CYP1A2: variants seen among roughly 807,000 people sequenced by gnomAD.
CYP1A2 encodes cytochrome P450 family 1 subfamily A member 2.
A neutral mutation model predicts 34.7 loss-of-function variants in CYP1A2; 35 were observed. The observed-to-expected ratio is 1.01, with a 90% CI of 0.77 to 1.34. The LOEUF is 1.34. Ranked by LOEUF, CYP1A2 falls within the 40% of genes most tolerant of loss-of-function variation. The probability of loss-of-function intolerance (pLI) is 0.00; values close to 1 mark genes in which losing one functional copy is unlikely to be tolerated. For synonymous variants in CYP1A2, 288 were observed against 281.9 expected (o/e 1.02, Z -0.22); for missense variants, 675 against 675.8 (o/e 1.00, Z 0.01).
In CYP1A2 at chr15:74,750,145, G is replaced by C. The variant is rs150893756; in HGVS notation, c.407G>C (p.Arg136Pro). ...GACTCTGGACCGGTGTGGGCTGCCC[G>C]CCGGCGCCTGGCCCAGAATGCCCTC... ...STDSGPVWAA[R>P]RRLAQNALNT... Residue 136 changes from arginine (R) to proline (P), a missense_variant, in exon 2 of 7, where the codon CGC becomes CCC. Arg to Pro is a moderately radical substitution (Grantham distance 103). Transcript: ENST00000343932. 6.2e-7 allele frequency: 1 copy of C among 1,614,028 alleles called. No homozygotes were observed. Among genetic ancestry groups the C allele is most frequent in the Non-Finnish European group, 8.5e-7 (1 of 1,180,028 alleles).
At chr15:74,754,091 A>C (rs2063327850) in intron 6 of CYP1A2, among the ~76,000 whole-genome samples, 1 of 152,094 alleles carries the variant, frequency 6.6e-6, no homozygotes, top group Admixed American at 6.6e-5. Flanking sequence ...TTAAATAGAG[A>C]CAAGGTCTTC....
chr15:74,749,640 C>T (rs904830758), intron 1 of CYP1A2, 90 bp from the exon 2 acceptor site: 11 of 1,095,748 alleles, frequency 1.0e-5, no homozygotes, highest in African/African-American at 4.7e-5. Context: ...GCACAGAACA[C>T]GCATCAGTGT....
chr15:74,750,434 C>A lies in CYP1A2; in HGVS notation c.696C>A (p.Ser232=). The change falls in exon 2 of 7, where the codon TCC becomes TCA. Residue 232 remains serine (S), a synonymous_variant. Transcript: ENST00000343932. The stretch of plus-strand genomic sequence containing the variant: ...ATGAGTTCGTGGAGACTGCCTCCTC[C>A]GGGAACCCCCTGGACTTCTTCCCCA... ...NTHEFVETAS[S]GNPLDFFPIL... 6.2e-7 allele frequency: 1 copy of A among 1,614,182 alleles called. No homozygotes were observed. Among genetic ancestry groups the A allele is most frequent in the Non-Finnish European group, 8.5e-7 (1 of 1,180,022 alleles).
intron 6 of CYP1A2, among the ~76,000 whole-genome samples, 156 bp from the exon 7 acceptor site, chr15:74,754,635 A>G (rs545588254): frequency 4.6e-5 from 7 of 151,662 alleles, no homozygotes; most frequent in Non-Finnish European, 8.8e-5. Flanking sequence ...AAAAAGAAAT[A>G]AGCATCAAAG....
intron 1 of CYP1A2, 143 bp from the exon 2 acceptor site, chr15:74,749,587 G>GGTAGATGGAGCTTA: frequency 1.5e-6 from 1 of 678,498 alleles, no homozygotes; most frequent in Non-Finnish European, 2.5e-6. Context: ...CAGGACGCAT[G>GGTAGATGGAGCTTA]GTAGATGGAG....
chr15:74,751,934 T>C (rs539072606), intron 4 of CYP1A2, 80 bp downstream of exon 4: 42 of 1,529,328 alleles, frequency 2.7e-5, no homozygotes, highest in Non-Finnish European at 3.7e-5. Context: ...ACACCTGTTA[T>C]GTGCCTGCTG....
At position 74,749,988 on chromosome 15, in the gene CYP1A2, C is replaced by G; in HGVS notation, c.250C>G (p.Pro84Ala). The change falls in exon 2 of 7, where the codon CCC (proline) becomes GCC (alanine). Residue 84 changes from proline (P) to alanine (A), a missense_variant. Coordinates refer to ENST00000343932, the MANE Select transcript of CYP1A2 (RefSeq NM_000761.5). Reference protein sequence around the residue: ...DVLQIRIGSTPVLVLSRLDTI... With the variant: ...DVLQIRIGSTAVLVLSRLDTI... ...CCTGCAGATCCGCATTGGCTCCACG[C>G]CCGTGCTGGTGCTGAGCCGCCTGGA... 6 of 1,614,110 alleles carry G rather than the reference C, an allele frequency of 3.7e-6. No homozygotes were observed. The highest frequency in any genetic ancestry group is 5.1e-6 in the Non-Finnish European group (6 of 1,180,026).
Position 74,750,264 on chromosome 15 carries a change from T to C in CYP1A2, c.526T>C (p.Leu176=). ...GGAGGCTAAGGCCCTGATCAGCAGG[T>C]TGCAGGAGCTGATGGCAGGGCCTGG... The part of the protein sequence containing the change: ...SKEAKALISR[L]QELMAGPGHF... The change falls in exon 2 of 7, where the codon TTG becomes CTG. Residue 176 remains leucine, a synonymous_variant. Transcript: ENST00000343932. 1 of 1,614,188 alleles carries C rather than the reference T, an allele frequency of 6.2e-7. No homozygotes were observed.
At position 74,750,281 on chromosome 15, in the gene CYP1A2, A is replaced by T; in HGVS notation, c.543A>T (p.Ala181=). 1.2e-6 allele frequency: 2 copies of T among 1,614,224 alleles called. No individual in the cohort carries two copies. Among genetic ancestry groups the T allele is most frequent in the South Asian group, 2.2e-5 (2 of 91,088 alleles). ...ALISRLQELM[A]GPGHFDPYNQ... is the part of the protein sequence containing the mutation. ...TCAGCAGGTTGCAGGAGCTGATGGC[A>T]GGGCCTGGGCACTTCGACCCTTACA... is the stretch of plus-strand genomic sequence containing the variant. Residue 181 remains alanine, a synonymous_variant, in exon 2 of 7, where the codon GCA becomes GCT. Coordinates refer to ENST00000343932, the MANE Select transcript of CYP1A2 (RefSeq NM_000761.5).
rs149710194 is a variant in CYP1A2 at position 74,754,819 on chromosome 15, C to T, written c.1282C>T (p.Arg428Trp). The T allele has an allele frequency of 1.5e-5, 24 of 1,613,622 alleles. No individual in the cohort carries two copies. In the African/African-American group the frequency reaches 2.0e-4, roughly 13 times the overall value. The change falls in exon 7 of 7, where the codon CGG becomes TGG. Residue 428 changes from arginine to tryptophan, a missense_variant. Coordinates refer to ENST00000343932, the MANE Select transcript of CYP1A2 (RefSeq NM_000761.5). ...GCTGTGGGAGGACCCCTCTGAGTTC[C>T]GGCCTGAGCGGTTCCTCACCGCCGA... ...PELWEDPSEF[R>W]PERFLTADGT... is the part of the protein sequence containing the mutation.
intron 2 of CYP1A2, 68 bp from the exon 3 acceptor site, chr15:74,751,121 G>A: frequency 6.3e-7 from 1 of 1,595,110 alleles, no homozygotes; most frequent in Non-Finnish European, 8.5e-7. Flanking sequence ...CAGGCCAGGG[G>A]AGTGGAGCAA....
At chr15:74,752,857 A>G (rs939688479) in intron 5 of CYP1A2, among the ~76,000 whole-genome samples, 2 of 142,598 alleles carry the variant, frequency 1.4e-5, no homozygotes, top group African/African-American at 5.2e-5. Context: ...GGGCTGCCCC[A>G]GGCTGCCTGC....
chr15:74,750,375 A>G lies in CYP1A2; in HGVS notation c.637A>G (p.Ser213Gly). 6.2e-7 allele frequency: 1 copy of G among 1,614,154 alleles called. No individual in the cohort carries two copies. The highest frequency in any genetic ancestry group is 8.5e-7 in the Non-Finnish European group (1 of 1,180,038). Residue 213 changes from serine (S) to glycine (G), a missense_variant, in exon 2 of 7, where the codon AGC (serine) becomes GGC (glycine). Coordinates refer to ENST00000343932, the MANE Select transcript of CYP1A2 (RefSeq NM_000761.5). The stretch of plus-strand genomic sequence containing the variant: ...CTTCGGACAGCACTTCCCTGAGAGT[A>G]GCGATGAGATGCTCAGCCTCGTGAA... ...MCFGQHFPES[S>G]DEMLSLVKNT...
In CYP1A2 at chr15:74,751,188, G is replaced by C; in HGVS notation, c.832-1G>C. 1.2e-6 allele frequency: 2 copies of C among 1,614,000 alleles called. No individual in the cohort carries two copies. Among genetic ancestry groups the C allele is most frequent in the South Asian group, 1.1e-5 (1 of 91,080 alleles). On this transcript the variant is annotated splice_acceptor_variant, in intron 2 of 6. Transcript: ENST00000343932. LOFTEE classifies it high-confidence loss of function. ...GTGCCCCTAAGCTTGTGCCCCCTCA[G>C]AACAGTGTCCGGGACATCACGGGTG...
At position 74,750,367 on chromosome 15, in the gene CYP1A2, C is replaced by T. The variant is rs202191520; in HGVS notation, c.629C>T (p.Pro210Leu). 5.0e-6 allele frequency: 8 copies of T among 1,614,136 alleles called. No homozygotes were observed. The Admixed American group carries it at 1.2e-4, about 24-fold the overall frequency. ...IGAMCFGQHF[P>L]ESSDEMLSLV... ...GCCATGTGCTTCGGACAGCACTTCCCTGAGAGTAGCGATGAGATGCTCAGC... is the reference window on the plus strand; with the variant it reads ...GCCATGTGCTTCGGACAGCACTTCCTTGAGAGTAGCGATGAGATGCTCAGC... Residue 210 changes from proline to leucine, a missense_variant, in exon 2 of 7, where the codon CCT becomes CTT. By Grantham distance (98) the Pro-to-Leu change is moderately conservative. Transcript: ENST00000343932.
At chr15:74,750,940 C>T (rs4646425) in intron 2 of CYP1A2, among the ~76,000 whole-genome samples, 3,546 of 152,274 alleles carry the variant, frequency 0.023, 71 homozygotes, top group South Asian at 0.086. Flanking sequence ...TTCACACTAA[C>T]CTTTTCCTTC....
In CYP1A2 at chr15:74,753,202, G is replaced by A. The variant is rs915586110; in HGVS notation, c.1185G>A (p.Thr395=). 19 of 1,613,478 alleles carry A rather than the reference G, an allele frequency of 1.2e-5. No homozygotes were observed. The highest frequency in any genetic ancestry group is 1.5e-5 in the Non-Finnish European group (18 of 1,179,740). Residue 395 remains threonine, a synonymous_variant, in exon 6 of 7, where the codon ACG becomes ACA. Transcript: ENST00000343932. ...TCCTCAGCACAACAAGGGACACAAC[G>A]CTGAATGGCTTCTACATCCCCAAGA... is the stretch of plus-strand genomic sequence containing the variant. ...TIPHSTTRDT[T]LNGFYIPKKC... is the part of the protein sequence containing the mutation.
intron 6 of CYP1A2, among the ~76,000 whole-genome samples, chr15:74,754,427 C>CAAAAAAAA (rs61283447): frequency 7.7e-5 from 4 of 52,164 alleles, no homozygotes; most frequent in Admixed American, 2.3e-4. Context: ...CCCGTCTCTG[C>CAAAAAAAA]AAAAAAAAAA....
At position 74,750,398 on chromosome 15, in the gene CYP1A2, G is replaced by A. The variant is rs774038132; in HGVS notation, c.660G>A (p.Val220=). The change falls in exon 2 of 7, where the codon GTG becomes GTA. Residue 220 remains valine (V), a synonymous_variant. Coordinates refer to ENST00000343932, the MANE Select transcript of CYP1A2 (RefSeq NM_000761.5). ...PESSDEMLSL[V]KNTHEFVETA... ...GTAGCGATGAGATGCTCAGCCTCGT[G>A]AAGAACACTCATGAGTTCGTGGAGA... 2.5e-6 allele frequency: 4 copies of A among 1,614,048 alleles called. No homozygotes were observed. In the South Asian group the frequency reaches 3.3e-5, roughly 13 times the overall value.
Sources: allele counts gnomAD v4.1 joint callset (sites outside exome capture counted in the v4.1 genomes callset), GRCh38; gene constraint gnomAD v4.1.1; transcripts MANE v1.5; gene names NCBI Gene and HGNC (gene_info 2026-07-23, HGNC 2026-07-21).